Variants in PRKCE observed in about 807,000 individuals in gnomAD.
PRKCE encodes the protein protein kinase C epsilon.
PRKCE carries 16 observed loss-of-function variants against 85.4 expected under a neutral mutation model. The observed-to-expected ratio is 0.19, with a 90% CI of 0.13 to 0.28. The LOEUF (loss-of-function observed/expected upper bound fraction) is 0.28. Among genes scored for constraint, PRKCE ranks in the 10% least tolerant of loss-of-function variants. The pLI is 1.00. For synonymous variants in PRKCE, 388 were observed against 371.5 expected (o/e 1.04, Z -0.51); for missense variants, 573 against 975.2 (o/e 0.59, Z 5.49).
chr2:45,714,179 G>A (rs1284715759), intron 1 of PRKCE, among the ~76,000 whole-genome samples: 1 of 152,148 alleles, frequency 6.6e-6, no homozygotes, highest in Non-Finnish European at 1.5e-5. Context: ...CTGCTCTGAT[G>A]GGACTTAGAG....
At chr2:46,025,883 C>T (rs1707069189) in intron 10 of PRKCE, among the ~76,000 whole-genome samples, 1 of 152,070 alleles carries the variant, frequency 6.6e-6, no homozygotes, top group African/African-American at 2.4e-5. Flanking sequence ...ACATTAATCT[C>T]TGGGAGGGCA....
chr2:45,670,887 C>A (rs1188382454), intron 1 of PRKCE, among the ~76,000 whole-genome samples: 2 of 152,216 alleles, frequency 1.3e-5, no homozygotes, highest in Non-Finnish European at 2.9e-5. Context: ...CCCTGATGAA[C>A]AGAAATACCT....
chr2:46,018,063 G>A (rs1706317362), intron 10 of PRKCE, among the ~76,000 whole-genome samples: 1 of 152,192 alleles, frequency 6.6e-6, no homozygotes, highest in Non-Finnish European at 1.5e-5. Context: ...ACTCAATGAG[G>A]CTGGGATTAA....
chr2:46,164,849 C>G (rs1678171532), intron 14 of PRKCE: 1 of 152,332 alleles, frequency 6.6e-6, no homozygotes, highest in Admixed American at 6.5e-5. Flanking sequence ...ACCACAGAGG[C>G]CGAGGATGCA....
At chr2:46,010,812 G>A (rs1705608202) in intron 10 of PRKCE, 4 of 1,578,330 alleles carry the variant, frequency 2.5e-6, no homozygotes, top group South Asian at 1.1e-5. Flanking sequence ...ACCAACAAGT[G>A]TGGTTAGTCC....
At chr2:46,076,126 G>A (rs571715082) in intron 10 of PRKCE, among the ~76,000 whole-genome samples, 7 of 152,304 alleles carry the variant, frequency 4.6e-5, no homozygotes, top group South Asian at 4.1e-4. Flanking sequence ...TATTGGCTGG[G>A]TTCCCCTTCT....
chr2:45,890,081 C>A (rs1195128064), intron 2 of PRKCE, among the ~76,000 whole-genome samples: 1 of 152,194 alleles, frequency 6.6e-6, no homozygotes, highest in Non-Finnish European at 1.5e-5. Flanking sequence ...TTACTTATCA[C>A]CATTACCGGA....
intron 1 of PRKCE, among the ~76,000 whole-genome samples, chr2:45,704,046 T>C (rs1042933057): frequency 1.3e-5 from 2 of 152,224 alleles, no homozygotes; most frequent in African/African-American, 4.8e-5. Flanking sequence ...CAAACATTCA[T>C]TGAGCATTTA....
intron 10 of PRKCE, among the ~76,000 whole-genome samples, chr2:46,049,404 A>G (rs574990728): frequency 6.6e-6 from 1 of 152,244 alleles, no homozygotes; most frequent in East Asian, 1.9e-4. Context: ...GCTTCTATTG[A>G]CTTAAAGTGG....
At chr2:46,171,831 G>A (rs145735142) in intron 14 of PRKCE, among the ~76,000 whole-genome samples, 46 of 152,294 alleles carry the variant, frequency 3.0e-4, no homozygotes, top group East Asian at 1.3e-3. Flanking sequence ...AGGCAGATGC[G>A]CATGTGGAGC....
At chr2:45,779,024 A>G (rs4953257) in intron 1 of PRKCE, among the ~76,000 whole-genome samples, 6 of 152,318 alleles carry the variant, frequency 3.9e-5, no homozygotes, top group African/African-American at 1.4e-4. Flanking sequence ...AGTTTTACCT[A>G]CTTTACTTTG....
chr2:45,900,583 A>T (rs1325131471), intron 2 of PRKCE, among the ~76,000 whole-genome samples: 1 of 152,244 alleles, frequency 6.6e-6, no homozygotes, highest in East Asian at 1.9e-4. Flanking sequence ...AGAGGTAGAA[A>T]GTAGGATGGT....
chr2:45,895,267 C>T lies in PRKCE; in HGVS notation c.412+52204C>T, dbSNP rs796857713. 9.2e-5 allele frequency among the ~76,000 whole-genome samples: 14 copies of T among 152,288 alleles called. No homozygotes were observed. The highest frequency in any genetic ancestry group is 3.4e-4 in the African/African-American group (14 of 41,556). ...CTGGCCACTGTCGGTTGTAGAGGTG[C>T]CCCTTCAGTACACACACAGCTACGG... On this transcript the variant is annotated intron_variant, in intron 2 of 14. Coordinates refer to ENST00000306156, the MANE Select transcript of PRKCE (RefSeq NM_005400.3). The surrounding 1 kb of genome is among the most constrained non-coding windows in gnomAD (Gnocchi z 4.8).
chr2:45,671,992 G>T (rs1451971503), intron 1 of PRKCE, among the ~76,000 whole-genome samples: 5 of 148,120 alleles, frequency 3.4e-5, no homozygotes, highest in East Asian at 2.0e-4. Flanking sequence ...GAGCCTAAAA[G>T]GTCAAAGGTA....
At position 46,184,950 on chromosome 2, in the gene PRKCE, C is replaced by A. The variant is rs1680348350; in HGVS notation, c.*69C>A. 6.4e-7 allele frequency: 1 copy of A among 1,571,338 alleles called. No homozygotes were observed. The highest frequency in any genetic ancestry group is 1.1e-5 in the South Asian group (1 of 88,268). On this transcript the variant is annotated 3_prime_UTR_variant, in exon 15 of 15. Coordinates refer to ENST00000306156, the MANE Select transcript of PRKCE (RefSeq NM_005400.3). The surrounding 1 kb of genome is among the most constrained non-coding windows in gnomAD (Gnocchi z 5.0). ...GCAGAGAAGACTCCTGTGTTGGAGA[C>A]ACTCAGCAGGTCTTGAACTACTTCT...
At chr2:45,846,343 A>G (rs1691787054) in intron 2 of PRKCE, among the ~76,000 whole-genome samples, 1 of 152,156 alleles carries the variant, frequency 6.6e-6, no homozygotes. Flanking sequence ...CCGATGAGAG[A>G]CGGTCGGCGC....
chr2:45,694,055 A>G (rs1677950578), intron 1 of PRKCE, among the ~76,000 whole-genome samples: 1 of 151,652 alleles, frequency 6.6e-6, no homozygotes, highest in South Asian at 2.1e-4. Context: ...ACCCGTGGAC[A>G]CAGATTTTGT....
intron 1 of PRKCE, among the ~76,000 whole-genome samples, chr2:45,836,141 A>C (rs1329814473): frequency 6.6e-6 from 1 of 152,204 alleles, no homozygotes; most frequent in Non-Finnish European, 1.5e-5. Context: ...ATAAGCCAAC[A>C]TGTAGAAATC....
intron 10 of PRKCE, among the ~76,000 whole-genome samples, chr2:46,069,724 A>T (rs1667912283): frequency 6.6e-6 from 1 of 152,220 alleles, no homozygotes; most frequent in Admixed American, 6.5e-5. Flanking sequence ...GTCTTGGTAA[A>T]AAGATTTTTG....
Sources: gnomAD v4.1 joint callset for allele counts (sites outside exome capture counted in the v4.1 genomes callset) on GRCh38, gnomAD v4.1.1 for gene constraint, Gnocchi (gnomAD v3.1) non-coding constraint, MANE v1.5 for transcripts, NCBI Gene and HGNC (gene_info 2026-07-23, HGNC 2026-07-21) for gene names.